NPY: variants seen among roughly 807,000 people sequenced by gnomAD.
NPY encodes neuropeptide Y, also known as pro-neuropeptide Y.
Under a neutral mutation model 13.2 loss-of-function variants are expected in NPY, and 11 were observed. The ratio of observed to expected loss-of-function variants is 0.83; its 90% CI spans 0.52 to 1.38. NPY has a LOEUF of 1.38. NPY is among the 40% of genes most tolerant of loss of function. NPY has a pLI of 0.00. For missense variants in NPY, 109 were observed against 125.1 expected (o/e 0.87, Z 0.61); for synonymous variants, 51 against 55.6 (o/e 0.92, Z 0.37).
chr7:24,286,048 C>T (rs1029473617), intron 2 of NPY, among the ~76,000 whole-genome samples: 9 of 152,166 alleles, frequency 5.9e-5, no homozygotes, highest in African/African-American at 2.2e-4. Flanking sequence ...AGCCTGAAAA[C>T]AGTTTATCTA....
In NPY at chr7:24,291,732, ATATT is replaced by A; in HGVS notation, c.*47_*50del. 2 of 1,612,248 alleles carry A rather than the reference ATATT, an allele frequency of 1.2e-6. No individual in the cohort carries two copies. The highest frequency in any genetic ancestry group is 2.2e-5 in the South Asian group (2 of 90,928). Reference sequence around the variant, plus strand: ...TCTGGCCTTTTCCTATTTTCAGCCCATATTTCATCGTGTAAAACGAGAATCCACC... The same window carrying A: ...TCTGGCCTTTTCCTATTTTCAGCCCATCATCGTGTAAAACGAGAATCCACC... On this transcript the variant is annotated 3_prime_UTR_variant, in exon 4 of 4. Coordinates refer to ENST00000242152, the MANE Select transcript of NPY (RefSeq NM_000905.4).
chr7:24,291,657 T>C lies in NPY; in HGVS notation c.270-6T>C. On this transcript the variant is annotated splice_region_variant and splice_polypyrimidine_tract_variant and intron_variant, in intron 3 of 3. Transcript: ENST00000242152. ...CCTTACATGCTTTGCTTCTTATGTTTTACAGGCTTGAAGACCCTGCAATGT... is the reference window on the plus strand; with the variant it reads ...CCTTACATGCTTTGCTTCTTATGTTCTACAGGCTTGAAGACCCTGCAATGT... 6.2e-7 allele frequency: 1 copy of C among 1,614,128 alleles called. No individual in the cohort carries two copies. Among genetic ancestry groups the C allele is most frequent in the Non-Finnish European group, 8.5e-7 (1 of 1,179,994 alleles).
At chr7:24,284,669 G>A (rs915727324) in intron 1 of NPY, among the ~76,000 whole-genome samples, 2 of 152,142 alleles carry the variant, frequency 1.3e-5, no homozygotes, top group Non-Finnish European at 2.9e-5. Context: ...ATCGAGTGAG[G>A]AATCCCTGGA....
Position 24,289,495 on chromosome 7 carries a change from C to G in NPY, c.189-4C>G. The G allele has an allele frequency of 6.4e-7, 1 of 1,557,028 alleles. No homozygotes were observed. The highest frequency in any genetic ancestry group is 8.7e-7 in the Non-Finnish European group (1 of 1,153,024). ...CTTGCTTTAAAAGACTTTTTTTTTTCCAGATATGGAAAACGATCCAGCCCA... is the reference window on the plus strand; with the variant it reads ...CTTGCTTTAAAAGACTTTTTTTTTTGCAGATATGGAAAACGATCCAGCCCA... On this transcript the variant is annotated splice_polypyrimidine_tract_variant and splice_region_variant and intron_variant, in intron 2 of 3. Transcript: ENST00000242152.
intron 3 of NPY, among the ~76,000 whole-genome samples, chr7:24,290,848 C>T (rs1047892559): frequency 6.6e-6 from 1 of 150,996 alleles, no homozygotes; most frequent in Non-Finnish European, 1.5e-5. Flanking sequence ...AATCAAAGAT[C>T]ACTGCAGCCT....
At chr7:24,290,773 A>AT (rs1252485997) in intron 3 of NPY, among the ~76,000 whole-genome samples, 3,149 of 82,510 alleles carry the variant, frequency 0.038, 58 homozygotes, top group African/African-American at 0.084. Flanking sequence ...AATAATAATA[A>AT]TAATTATTAT....
Position 24,291,711 on chromosome 7 carries a change from G to T in NPY, c.*24G>T, listed in dbSNP as rs1432504109. 1.2e-6 allele frequency: 2 copies of T among 1,613,884 alleles called. No individual in the cohort carries two copies. The highest frequency in any genetic ancestry group is 3.3e-5 in the Admixed American group (2 of 60,000). On this transcript the variant is annotated 3_prime_UTR_variant, in exon 4 of 4. Coordinates refer to ENST00000242152, the MANE Select transcript of NPY (RefSeq NM_000905.4). ...GATGGGAAATGAGACTTGCTCTCTG[G>T]CCTTTTCCTATTTTCAGCCCATATT...
chr7:24,286,883 T>C (rs896190393), intron 2 of NPY, among the ~76,000 whole-genome samples: 2 of 152,108 alleles, frequency 1.3e-5, no homozygotes, highest in Admixed American at 1.3e-4. Context: ...GTTAGTTATT[T>C]AGCTGTAGCA....
rs1787312097 is a variant in NPY at position 24,285,139 on chromosome 7, G to C, written c.1-102G>C. On this transcript the variant is annotated intron_variant, in intron 1 of 3. Transcript: ENST00000242152. The surrounding 1 kb of genome is among the most constrained non-coding windows in gnomAD (Gnocchi z 4.9). ...GGGACGAGAGCGGATTGGGGGTCGCGTGTGGTAGCAGGAGGAGGAGCGCGG... is the reference window on the plus strand; with the variant it reads ...GGGACGAGAGCGGATTGGGGGTCGCCTGTGGTAGCAGGAGGAGGAGCGCGG... The C allele has an allele frequency of 1.0e-5, 12 of 1,201,990 alleles. No individual in the cohort carries two copies. The highest frequency in any genetic ancestry group is 5.2e-5 in the Admixed American group (3 of 57,780). The allele number at this position is 1,201,990 out of a possible 1,614,324, so 74.5% of individuals were successfully genotyped here. A position where few individuals can be genotyped will look rare whatever the true frequency, so the allele number is the denominator to read the frequency against.
chr7:24,288,542 GA>G (rs1787474409), intron 2 of NPY, among the ~76,000 whole-genome samples: 1 of 152,052 alleles, frequency 6.6e-6, no homozygotes, highest in African/African-American at 2.4e-5. Context: ...CTGAGAAAGA[GA>G]AAAATGGCCT....
In NPY at chr7:24,285,215, G is replaced by T. The variant is rs752498543; in HGVS notation, c.1-26G>T. On this transcript the variant is annotated intron_variant, in intron 1 of 3. Transcript: ENST00000242152. The surrounding 1 kb of genome is among the most constrained non-coding windows in gnomAD (Gnocchi z 4.9). ...GTGGGTGCTCTGAATCCCCAAGCCC[G>T]TCCGTTGAGCCTTCTGTGCCTGCAG... 3.7e-6 allele frequency: 6 copies of T among 1,613,434 alleles called. No homozygotes were observed. Among genetic ancestry groups the T allele is most frequent in the Non-Finnish European group, 5.1e-6 (6 of 1,179,544 alleles).
At chr7:24,290,795 G>C (rs1327011921) in intron 3 of NPY, among the ~76,000 whole-genome samples, 1 of 32,248 alleles carries the variant, frequency 3.1e-5, no homozygotes, top group Admixed American at 3.8e-4. Flanking sequence ...ATTATTCAGA[G>C]ACAAGGTCTC....
rs1011037482 is a variant in NPY, at chr7:24,285,071, C to T, written c.1-170C>T. 4 of 687,366 alleles carry T rather than the reference C, an allele frequency of 5.8e-6. No individual in the cohort carries two copies. The highest frequency in any genetic ancestry group is 5.5e-5 in the South Asian group (3 of 54,578). 42.6% of individuals were successfully genotyped at this position (687,366 alleles called of 1,614,324 possible). On this transcript the variant is annotated intron_variant, in intron 1 of 3. Coordinates refer to ENST00000242152, the MANE Select transcript of NPY (RefSeq NM_000905.4). The surrounding 1 kb of genome is among the most constrained non-coding windows in gnomAD (Gnocchi z 4.9). ...TCCCGACCGGACGGCGCCCGGAGCC[C>T]GCAAGGTGGTGCTAGCCACTCCTGG...
intron 2 of NPY, among the ~76,000 whole-genome samples, chr7:24,286,224 TC>T (rs1247652110): frequency 6.6e-6 from 1 of 152,194 alleles, no homozygotes; most frequent in African/African-American, 2.4e-5. Context: ...ATTCCGAAAG[TC>T]AAAATGAAAT....
At chr7:24,288,294 C>A (rs3025117) in intron 2 of NPY, among the ~76,000 whole-genome samples, 1 of 152,276 alleles carries the variant, frequency 6.6e-6, no homozygotes, top group Admixed American at 6.5e-5. Flanking sequence ...TCCAGAAAAT[C>A]TTTGAGAAAA....
chr7:24,289,511 A>G lies in NPY; in HGVS notation c.201A>G (p.Arg67=). ...TTTTTTTTTCCAGATATGGAAAACG[A>G]TCCAGCCCAGAGACACTGATTTCAG... ...NLITRQRYGK[R]SSPETLISDL... is the part of the protein sequence containing the mutation. Residue 67 remains arginine (R), a synonymous_variant, in exon 3 of 4, where the codon CGA becomes CGG. Coordinates refer to ENST00000242152, the MANE Select transcript of NPY (RefSeq NM_000905.4). The G allele has an allele frequency of 6.3e-7, 1 of 1,597,254 alleles. No individual in the cohort carries two copies. The highest frequency in any genetic ancestry group is 8.5e-7 in the Non-Finnish European group (1 of 1,172,402).
chr7:24,285,906 C>T lies in NPY; in HGVS notation c.188+478C>T, dbSNP rs925438916. 2.1e-4 allele frequency among the ~76,000 whole-genome samples: 32 copies of T among 152,102 alleles called. No homozygotes were observed. Among genetic ancestry groups the T allele is most frequent in the Admixed American group, 2.0e-3 (30 of 15,272 alleles). On this transcript the variant is annotated intron_variant, in intron 2 of 3. Coordinates refer to ENST00000242152, the MANE Select transcript of NPY (RefSeq NM_000905.4). The surrounding 1 kb of genome is among the most constrained non-coding windows in gnomAD (Gnocchi z 4.9). The stretch of plus-strand genomic sequence containing the variant: ...CCACAGACATTGTCAGACTTTCCGG[C>T]CTGCCCAGGGCTAATTGAATGACAG...
At chr7:24,287,082 T>C (rs1187456056) in intron 2 of NPY, among the ~76,000 whole-genome samples, 1 of 152,220 alleles carries the variant, frequency 6.6e-6, no homozygotes, top group Non-Finnish European at 1.5e-5. Flanking sequence ...GGAAGCTATT[T>C]TTATAGGAAT....
rs992908270 is a variant in NPY, at chr7:24,287,177, GA to G, written c.188+1756del. On this transcript the variant is annotated intron_variant, in intron 2 of 3. Transcript: ENST00000242152. The stretch of plus-strand genomic sequence containing the variant: ...GTGTTATCTCCAACATGTTTGATGA[GA>G]AAAAAACATAAAGGAAAGGGACTTG... Among the ~76,000 whole-genome samples the G allele has an allele frequency of 2.0e-5, 3 of 151,852 alleles. No homozygotes were observed. In the East Asian group the frequency reaches 5.8e-4, roughly 29 times the overall value.
Sources: gnomAD v4.1 joint callset for allele counts (sites outside exome capture counted in the v4.1 genomes callset) on GRCh38, gnomAD v4.1.1 for gene constraint, Gnocchi (gnomAD v3.1) non-coding constraint, MANE v1.5 for transcripts, NCBI Gene and HGNC (gene_info 2026-07-23, HGNC 2026-07-21) for gene names.